STK26: variants seen among roughly 807,000 people sequenced by gnomAD.
STK26 encodes serine/threonine-protein kinase 26.
A neutral mutation model predicts 34.7 loss-of-function variants in STK26; 14 were observed. The observed-to-expected ratio is 0.40, with a 90% CI of 0.27 to 0.63. STK26 has a LOEUF of 0.63. Among genes scored for constraint, STK26 ranks in the 30% least tolerant of loss-of-function variants. The probability of loss-of-function intolerance (pLI) is 0.38; values close to 1 mark genes in which losing one functional copy is unlikely to be tolerated. For missense variants in STK26, 226 were observed against 309.1 expected (o/e 0.73, Z 2.02); for synonymous variants, 100 against 109.8 (o/e 0.91, Z 0.56).
chrX:132,037,107 A>G (rs763125776), intron 2 of STK26, among the ~76,000 whole-genome samples: 5 of 112,151 alleles, frequency 4.5e-5, no homozygotes, highest in Non-Finnish European at 7.5e-5. Flanking sequence ...GACTTGCTAA[A>G]TATTTTTATT....
At position 132,060,658 on chromosome X, in the gene STK26, C is replaced by T. The variant is rs1363469953; in HGVS notation, c.274-2775C>T. ...TGTGACAGGGTCTCACTCTGTCTCC[C>T]GAGCTGGAGTACAGTGGCGCAGTCT... is the stretch of plus-strand genomic sequence containing the variant. On this transcript the variant is annotated intron_variant, in intron 3 of 11. Coordinates refer to ENST00000394334, the MANE Select transcript of STK26 (RefSeq NM_016542.4). 3.7e-5 allele frequency among the ~76,000 whole-genome samples: 4 copies of T among 107,270 alleles called. No individual in the cohort carries two copies. In the South Asian group the frequency reaches 1.3e-3, roughly 34 times the overall value. 93.2% of individuals were successfully genotyped at this position (107,270 alleles called of 115,157 possible).
At chrX:132,041,657 A>T (rs1004436426) in intron 2 of STK26, among the ~76,000 whole-genome samples, 10 of 110,710 alleles carry the variant, frequency 9.0e-5, no homozygotes, top group Admixed American at 2.9e-4. Flanking sequence ...ATAAAATTTA[A>T]AAAAAAAGCC....
intron 3 of STK26, among the ~76,000 whole-genome samples, chrX:132,062,761 GC>G (rs774570345): frequency 9.8e-5 from 11 of 111,740 alleles, no homozygotes; most frequent in Admixed American, 6.6e-4. Context: ...ATTATTTAAA[GC>G]TTTGTTTTTT....
Position 132,071,070 on chromosome X carries a change from G to A in STK26, c.785G>A (p.Arg262His). The stretch of plus-strand genomic sequence containing the variant: ...CAGCCTTGATCTTTTTATCCTTAGC[G>A]TCCTACAGCAAAAGAACTTCTGAAA... ...DACLNKDPSF[R>H]PTAKELLKHK... Residue 262 changes from arginine (R) to histidine (H), a missense_variant and splice_region_variant, in exon 8 of 12, where the codon CGT (arginine) becomes CAT (histidine). Coordinates refer to ENST00000394334, the MANE Select transcript of STK26 (RefSeq NM_016542.4). The A allele has an allele frequency of 4.1e-6, 5 of 1,205,669 alleles. No homozygotes were observed. The highest frequency in any genetic ancestry group is 5.6e-6 in the Non-Finnish European group (5 of 892,393).
At chrX:132,026,544 C>T (rs1404640396) in intron 2 of STK26, among the ~76,000 whole-genome samples, 1 of 111,866 alleles carries the variant, frequency 8.9e-6, no homozygotes, top group Non-Finnish European at 1.9e-5. Flanking sequence ...CAAATATTTA[C>T]TCTTTAATGA....
rs1298705678 is a variant in STK26, at chrX:132,074,478, A to G, written c.*319A>G. The G allele has an allele frequency of 5.3e-6, 1 of 188,895 alleles. No individual in the cohort carries two copies. The highest frequency in any genetic ancestry group is 3.0e-5 in the African/African-American group (1 of 33,320). The allele number at this position is 188,895 out of a possible 1,213,427, so 15.6% of individuals were successfully genotyped here. A position where few individuals can be genotyped will look rare whatever the true frequency, so the allele number is the denominator to read the frequency against. On this transcript the variant is annotated 3_prime_UTR_variant, in exon 12 of 12. Transcript: ENST00000394334. ...CCTTTCACATTTTGATCTTTAGTTG[A>G]CTCTACAGTCATGAAACATACAGGT...
intron 2 of STK26, among the ~76,000 whole-genome samples, chrX:132,024,768 A>G (rs1480963461): frequency 1.0e-5 from 1 of 98,092 alleles, no homozygotes; most frequent in Non-Finnish European, 2.0e-5. Flanking sequence ...TTTTTTTTTC[A>G]GTGTTCTCAT....
intron 2 of STK26, among the ~76,000 whole-genome samples, chrX:132,028,235 G>GTT (rs1925682781): frequency 5.5e-5 from 1 of 18,049 alleles, no homozygotes; most frequent in Non-Finnish European, 1.1e-4. Flanking sequence ...AGGTTCCATG[G>GTT]ACATATGTTT....
intron 3 of STK26, among the ~76,000 whole-genome samples, chrX:132,061,631 T>A (rs1429528225): frequency 9.0e-6 from 1 of 111,548 alleles, no homozygotes; most frequent in Non-Finnish European, 1.9e-5. Flanking sequence ...GAAAGGAGAA[T>A]CATTTTGTCT....
At chrX:132,061,961 G>A (rs2124181389) in intron 3 of STK26, among the ~76,000 whole-genome samples, 1 of 112,097 alleles carries the variant, frequency 8.9e-6, no homozygotes, top group Admixed American at 9.4e-5. Context: ...GAGGCACCAT[G>A]CTGAATATAT....
In STK26 at chrX:132,060,897, G is replaced by A. The variant is rs1040952826; in HGVS notation, c.274-2536G>A. Among the ~76,000 whole-genome samples, 4 of 111,202 alleles carry A rather than the reference G, an allele frequency of 3.6e-5. No individual in the cohort carries two copies. The East Asian group carries it at 8.4e-4, about 23-fold the overall frequency. The stretch of plus-strand genomic sequence containing the variant: ...CTCCCAAAATACCAGGATTACAGGC[G>A]TGTTGTGCAGCCCTCACCACCACTG... On this transcript the variant is annotated intron_variant, in intron 3 of 11. Coordinates refer to ENST00000394334, the MANE Select transcript of STK26 (RefSeq NM_016542.4).
rs754280685 is a variant in STK26 at position 132,044,745 on chromosome X, A to C, written c.43-9886A>C. Among the ~76,000 whole-genome samples, 93 of 60,335 alleles carry C rather than the reference A, an allele frequency of 1.5e-3. 9 individuals carry two copies. The highest frequency in any genetic ancestry group is 2.1e-3 in the Non-Finnish European group (66 of 32,008). 52.4% of individuals were successfully genotyped at this position (60,335 alleles called of 115,157 possible). On this transcript the variant is annotated intron_variant, in intron 2 of 11. Coordinates refer to ENST00000394334, the MANE Select transcript of STK26 (RefSeq NM_016542.4). ...TATTTATATATATATAGAGAGATCT[A>C]TATATATATTTATATATATATAGAG...
rs966315629 is a variant in STK26 at position 132,049,716 on chromosome X, A to G, written c.43-4915A>G. On this transcript the variant is annotated intron_variant, in intron 2 of 11. Transcript: ENST00000394334. ...AAATCTTCTTTTAAGCCTTGATATC[A>G]TTAGCACATTATTTGCTCATTATTT... is the stretch of plus-strand genomic sequence containing the variant. 3.6e-5 allele frequency among the ~76,000 whole-genome samples: 4 copies of G among 112,170 alleles called. No homozygotes were observed. In the Admixed American group the frequency reaches 3.8e-4, roughly 11 times the overall value.
chrX:132,023,736 C>T, intron 2 of STK26, 77 bp downstream of exon 2: 1 of 1,090,332 alleles, frequency 9.2e-7, no homozygotes, highest in Non-Finnish European at 1.2e-6. Context: ...TGGGCACCGG[C>T]GACAAGGGAC....
At chrX:132,042,961 G>A (rs1926318460) in intron 2 of STK26, among the ~76,000 whole-genome samples, 2 of 111,671 alleles carry the variant, frequency 1.8e-5, no homozygotes, top group South Asian at 7.4e-4. Context: ...AAATGTTGGA[G>A]GGAAATTATT....
At chrX:132,055,556 T>C in intron 3 of STK26, 1 of 1,070,235 alleles carries the variant, frequency 9.3e-7, no homozygotes, top group Non-Finnish European at 1.3e-6. Context: ...GGTTCCAGAG[T>C]TAGAAGTCAG....
intron 2 of STK26, among the ~76,000 whole-genome samples, chrX:132,032,852 G>A (rs1336657274): frequency 9.0e-6 from 1 of 111,030 alleles, no homozygotes; most frequent in Non-Finnish European, 1.9e-5. Context: ...ACTCTACCAG[G>A]TTTCAATAGT....
intron 5 of STK26, 37 bp downstream of exon 5, chrX:132,068,360 A>G: frequency 8.3e-7 from 1 of 1,198,072 alleles, no homozygotes. Flanking sequence ...AGAAAAATAG[A>G]AGCATTCTGA....
At chrX:132,034,136 A>G (rs1394660772) in intron 2 of STK26, among the ~76,000 whole-genome samples, 3 of 102,317 alleles carry the variant, frequency 2.9e-5, no homozygotes, top group Middle Eastern at 4.5e-3. Flanking sequence ...ATAAAATAAA[A>G]AAATAAAAGA....
Sources: gnomAD v4.1 joint callset for allele counts (sites outside exome capture counted in the v4.1 genomes callset) on GRCh38, gnomAD v4.1.1 for gene constraint, MANE v1.5 for transcripts, NCBI Gene and HGNC (gene_info 2026-07-23, HGNC 2026-07-21) for gene names.